The following FBXO11 variants were observed in gnomAD, a reference collection of about 807,000 sequenced individuals.
FBXO11 encodes F-box only protein 11.
A neutral mutation model predicts 117.0 loss-of-function variants in FBXO11; 13 were observed. The observed-to-expected ratio is 0.11, with a 90% CI of 0.07 to 0.18. The LOEUF is 0.18. FBXO11 is among the 10% of genes least tolerant of loss of function. The probability of loss-of-function intolerance (pLI) is 1.00; values close to 1 mark genes in which losing one functional copy is unlikely to be tolerated. For missense variants in FBXO11, 767 were observed against 1,164.4 expected, an observed-to-expected ratio of 0.66 and a Z score of 4.97; for synonymous variants, 490 against 380.5, an observed-to-expected ratio of 1.29 and a Z score of -3.35.
chr2:47,851,680 G>A (rs1372037108), intron 1 of FBXO11, among the ~76,000 whole-genome samples: 3 of 152,162 alleles, frequency 2.0e-5, no homozygotes, highest in Admixed American at 6.6e-5. Context: ...GTATAAAACA[G>A]GACACACAAA....
chr2:47,897,542 C>T (rs1414669986), intron 1 of FBXO11, among the ~76,000 whole-genome samples: 1 of 151,878 alleles, frequency 6.6e-6, no homozygotes, highest in East Asian at 1.9e-4. Context: ...ACTGAAAATA[C>T]AAAAATCAGC....
intron 1 of FBXO11, among the ~76,000 whole-genome samples, chr2:47,892,297 A>G (rs948950009): frequency 3.9e-5 from 6 of 152,226 alleles, no homozygotes; most frequent in African/African-American, 1.4e-4. Flanking sequence ...CCATCTCAAG[A>G]TATTAGTTAA....
At chr2:47,877,545 C>T (rs1017713065) in intron 1 of FBXO11, among the ~76,000 whole-genome samples, 3 of 152,030 alleles carry the variant, frequency 2.0e-5, no homozygotes, top group African/African-American at 7.2e-5. Flanking sequence ...TCTGTATTTT[C>T]GAATTTTTGT....
chr2:47,817,409 G>C (rs959265695), intron 16 of FBXO11, among the ~76,000 whole-genome samples: 1 of 151,994 alleles, frequency 6.6e-6, no homozygotes, highest in African/African-American at 2.4e-5. Flanking sequence ...ATTTTGCTTT[G>C]AACCCTGAGA....
intron 1 of FBXO11, among the ~76,000 whole-genome samples, chr2:47,880,334 G>T (rs1427815995): frequency 6.6e-6 from 1 of 152,024 alleles, no homozygotes; most frequent in Non-Finnish European, 1.5e-5. Flanking sequence ...AGTATAAAAG[G>T]TCTTCCCCAT....
chr2:47,890,455 C>G (rs1429594851), intron 1 of FBXO11, among the ~76,000 whole-genome samples: 2 of 152,048 alleles, frequency 1.3e-5, no homozygotes, highest in Non-Finnish European at 2.9e-5. Context: ...TTAAAATGCC[C>G]TACATGGGGA....
chr2:47,866,309 C>T (rs1020141386), intron 1 of FBXO11, among the ~76,000 whole-genome samples: 15 of 142,540 alleles, frequency 1.1e-4, no homozygotes, highest in African/African-American at 3.4e-4. Context: ...CCAAAAATAA[C>T]GTGGAAAGCA....
intron 1 of FBXO11, among the ~76,000 whole-genome samples, chr2:47,878,500 G>C (rs1398779849): frequency 1.3e-5 from 2 of 151,938 alleles, no homozygotes; most frequent in African/African-American, 4.8e-5. Context: ...GGGATTACAG[G>C]TGCCTGCCAC....
In FBXO11 at chr2:47,810,353, G is replaced by A; in HGVS notation, c.2301C>T (p.Ile767=). ...CATCAAATATTCTGTTTTTCCTTAA[G>A]ATTGGATGACTATTAGTGCTGATGA... The part of the protein sequence containing the change: ...GVLISTNSHP[I]LRKNRIFDGF... Residue 767 remains isoleucine, a synonymous_variant, in exon 19 of 23, where the codon ATC becomes ATT. Transcript: ENST00000403359. 1.9e-6 allele frequency: 3 copies of A among 1,609,480 alleles called. No individual in the cohort carries two copies. Among genetic ancestry groups the A allele is most frequent in the Non-Finnish European group, 2.5e-6 (3 of 1,178,578 alleles).
chr2:47,868,891 T>G (rs1375759618), intron 1 of FBXO11, among the ~76,000 whole-genome samples: 1 of 152,216 alleles, frequency 6.6e-6, no homozygotes, highest in Non-Finnish European at 1.5e-5. Context: ...CTCACTGGCA[T>G]AGACACTTCA....
intron 13 of FBXO11, among the ~76,000 whole-genome samples, chr2:47,821,225 A>C (rs1275411982): frequency 6.6e-6 from 1 of 151,916 alleles, no homozygotes; most frequent in Admixed American, 6.6e-5. Context: ...TAATCCCAGC[A>C]ATCTGGGAGG....
chr2:47,864,318 T>C (rs1350200472), intron 1 of FBXO11, among the ~76,000 whole-genome samples: 1 of 152,260 alleles, frequency 6.6e-6, no homozygotes, highest in East Asian at 1.9e-4. Flanking sequence ...CTGGGCGTGG[T>C]GGCTCACGCC....
intron 13 of FBXO11, among the ~76,000 whole-genome samples, chr2:47,821,054 A>T (rs1247178244): frequency 6.6e-6 from 1 of 152,256 alleles, no homozygotes; most frequent in African/African-American, 2.4e-5. Context: ...GAAACAATTA[A>T]CTATTAAAAA....
At chr2:47,878,477 C>A (rs530328561) in intron 1 of FBXO11, among the ~76,000 whole-genome samples, 20 of 152,150 alleles carry the variant, frequency 1.3e-4, no homozygotes, top group African/African-American at 4.8e-4. Flanking sequence ...CTGCCTCAGC[C>A]TCCCGAGTAG....
chr2:47,858,681 C>CAAAAAAA (rs902232765), intron 1 of FBXO11, among the ~76,000 whole-genome samples: 4 of 67,488 alleles, frequency 5.9e-5, no homozygotes, highest in African/African-American at 1.1e-4. Flanking sequence ...GACTCTGCCT[C>CAAAAAAA]AAAAAAAAAA....
chr2:47,817,647 A>G (rs940820116), intron 16 of FBXO11, among the ~76,000 whole-genome samples: 1 of 152,190 alleles, frequency 6.6e-6, no homozygotes, highest in African/African-American at 2.4e-5. Context: ...TTTCACTTCA[A>G]TACTTATAGA....
At chr2:47,862,980 C>G (rs562228938) in intron 1 of FBXO11, among the ~76,000 whole-genome samples, 3 of 149,794 alleles carry the variant, frequency 2.0e-5, no homozygotes, top group Non-Finnish European at 4.4e-5. Flanking sequence ...GCTTGAACCC[C>G]GGAAGTGAAA....
chr2:47,829,290 G>C (rs1672007458), intron 11 of FBXO11, among the ~76,000 whole-genome samples: 1 of 151,990 alleles, frequency 6.6e-6, no homozygotes, highest in African/African-American at 2.4e-5. Flanking sequence ...GCCCAGGCTG[G>C]AGTGCAGTGG....
chr2:47,842,376 G>C (rs1673082411), intron 1 of FBXO11, among the ~76,000 whole-genome samples: 1 of 152,152 alleles, frequency 6.6e-6, no homozygotes, highest in Non-Finnish European at 1.5e-5. Context: ...CAAAGTTCTA[G>C]TTCTTGCCTT....
Sources: gnomAD v4.1 joint callset for allele counts (sites outside exome capture counted in the v4.1 genomes callset) on GRCh38, gnomAD v4.1.1 for gene constraint, MANE v1.5 for transcripts, NCBI Gene and HGNC (gene_info 2026-07-23, HGNC 2026-07-21) for gene names.